Variants in PCGF3 observed in about 807,000 individuals in gnomAD.
PCGF3 encodes the protein polycomb group ring finger 3.
In PCGF3, 7 loss-of-function variants were observed where a neutral mutation model predicts 33.1. That is an observed-to-expected ratio of 0.21 (90% CI 0.12 to 0.40). PCGF3 has a LOEUF of 0.40. Ranked by LOEUF, PCGF3 falls within the 10% of genes least tolerant of loss-of-function variation. The pLI is 1.00. For synonymous variants in PCGF3, 153 were observed against 121.3 expected, an observed-to-expected ratio of 1.26 and a Z score of -1.72; for missense variants, 211 against 313.3, an observed-to-expected ratio of 0.67 and a Z score of 2.46.
At chr4:744,432 C>A (rs532337411) in intron 7 of PCGF3, among the ~76,000 whole-genome samples, 168 bp from the exon 8 acceptor site, 4 of 152,342 alleles carry the variant, frequency 2.6e-5, no homozygotes, top group African/African-American at 9.6e-5. Flanking sequence ...CTGGGGAGAC[C>A]CCTGCAGACA....
intron 10 of PCGF3, 137 bp downstream of exon 10, chr4:765,201 A>C (rs1745294200): frequency 1.6e-6 from 1 of 611,544 alleles, no homozygotes; most frequent in South Asian, 1.8e-5. Context: ...TGGGAGGACG[A>C]GGCGGGCGGA....
chr4:728,224 G>A (rs1489167388), intron 1 of PCGF3, among the ~76,000 whole-genome samples: 1 of 152,144 alleles, frequency 6.6e-6, no homozygotes, highest in Non-Finnish European at 1.5e-5. Flanking sequence ...AAATGTTTGG[G>A]AACCAAAACA....
chr4:758,480 C>T (rs970388702), intron 8 of PCGF3, among the ~76,000 whole-genome samples: 2 of 140,870 alleles, frequency 1.4e-5, no homozygotes, highest in African/African-American at 2.7e-5. Flanking sequence ...CCCGTGCGGC[C>T]CCTCTCCCGA....
chr4:727,515 C>G (rs192238183), intron 1 of PCGF3, among the ~76,000 whole-genome samples: 2 of 152,246 alleles, frequency 1.3e-5, no homozygotes, highest in Admixed American at 6.5e-5. Context: ...GCTGGGATTA[C>G]AAGCATGAGC....
chr4:707,138 C>A (rs1198609730), intron 1 of PCGF3, among the ~76,000 whole-genome samples: 1 of 152,082 alleles, frequency 6.6e-6, no homozygotes, highest in Non-Finnish European at 1.5e-5. Flanking sequence ...AGGGTCTGAC[C>A]CTGGGACAGG....
chr4:763,350 C>T (rs77886012), intron 9 of PCGF3, among the ~76,000 whole-genome samples: 3,041 of 152,138 alleles, frequency 0.02, 56 homozygotes, highest in Non-Finnish European at 0.029. Flanking sequence ...CATTTCCCAG[C>T]GCAGGGCTGG....
rs766800100 is a variant in PCGF3 at position 733,917 on chromosome 4, G to A, written c.109+128G>A. 6.4e-6 allele frequency: 10 copies of A among 1,569,286 alleles called. No homozygotes were observed. In the East Asian group the frequency reaches 2.4e-4, roughly 38 times the overall value. The stretch of plus-strand genomic sequence containing the variant: ...CGACAAAAGCAGGAACCAGGACCAG[G>A]GGCAGAGACGATCTTGAAGATAAGT... On this transcript the variant is annotated intron_variant, in intron 4 of 10. Transcript: ENST00000362003.
chr4:735,073 CT>C (rs753305720), intron 5 of PCGF3, 46 bp downstream of exon 5: 6 of 1,577,138 alleles, frequency 3.8e-6, no homozygotes, highest in African/African-American at 1.3e-5. Context: ...GTGAGTGCCC[CT>C]GGGCGTCTCT....
Position 722,760 on chromosome 4 carries a change from C to T in PCGF3, c.-189-7870C>T, listed in dbSNP as rs868278481. 3.5e-3 allele frequency among the ~76,000 whole-genome samples: 220 copies of T among 62,664 alleles called. 4 individuals are homozygous for T. Among genetic ancestry groups the T allele is most frequent in the South Asian group, 7.3e-3 (10 of 1,364 alleles). 41.1% of individuals were successfully genotyped at this position (62,664 alleles called of 152,430 possible). On this transcript the variant is annotated intron_variant, in intron 1 of 10. Transcript: ENST00000362003. Reference sequence around the variant, plus strand: ...CACGCCGGGTCCACACTCGCGACATCGCCATCCACGCCGGGTCCACACTCG... The same window carrying T: ...CACGCCGGGTCCACACTCGCGACATTGCCATCCACGCCGGGTCCACACTCG...
intron 1 of PCGF3, among the ~76,000 whole-genome samples, chr4:728,927 C>G (rs1743437097): frequency 6.6e-6 from 1 of 151,740 alleles, no homozygotes; most frequent in Non-Finnish European, 1.5e-5. Context: ...TGGTGAAACC[C>G]CATCTCTACT....
intron 1 of PCGF3, among the ~76,000 whole-genome samples, chr4:719,647 T>C (rs368038107): frequency 3.3e-5 from 5 of 152,344 alleles, no homozygotes; most frequent in African/African-American, 9.6e-5. Flanking sequence ...TGTGTGAGTT[T>C]GGCAGGTGCT....
At chr4:733,647 T>C in intron 3 of PCGF3, 25 bp from the exon 4 acceptor site, 1 of 1,585,836 alleles carries the variant, frequency 6.3e-7, no homozygotes, top group South Asian at 1.1e-5. Context: ...TTTCAGGTGT[T>C]AATTAATCGC....
intron 8 of PCGF3, among the ~76,000 whole-genome samples, chr4:758,060 C>A (rs935515947): frequency 6.9e-6 from 1 of 145,804 alleles, no homozygotes; most frequent in Non-Finnish European, 1.5e-5. Context: ...CCCAGCTACT[C>A]GGGAGGCTGA....
intron 8 of PCGF3, among the ~76,000 whole-genome samples, chr4:754,096 G>A (rs1471178434): frequency 3.9e-5 from 6 of 152,216 alleles, no homozygotes; most frequent in Middle Eastern, 3.4e-3. Context: ...ATCTTCGCTC[G>A]TGCAGAGTTA....
At chr4:750,023 C>G (rs1744443619) in intron 8 of PCGF3, among the ~76,000 whole-genome samples, 1 of 152,142 alleles carries the variant, frequency 6.6e-6, no homozygotes, top group Non-Finnish European at 1.5e-5. Flanking sequence ...CTAGGCCGGT[C>G]TGAACTCCTG....
intron 1 of PCGF3, among the ~76,000 whole-genome samples, chr4:726,604 C>T (rs185252133): frequency 1.4e-4 from 21 of 152,338 alleles, no homozygotes; most frequent in Middle Eastern, 3.4e-3. Flanking sequence ...TCCTCATCCA[C>T]GATCATGACG....
chr4:730,715 C>G (rs1271523595), intron 2 of PCGF3, 47 bp downstream of exon 2: 3 of 278,742 alleles, frequency 1.1e-5, no homozygotes, highest in African/African-American at 6.5e-5. Flanking sequence ...CACCTGTGAA[C>G]TGCCGGACTC....
intron 8 of PCGF3, among the ~76,000 whole-genome samples, chr4:754,110 A>T (rs990755477): frequency 6.6e-6 from 1 of 152,086 alleles, no homozygotes; most frequent in Non-Finnish European, 1.5e-5. Context: ...AGAGTTAGGA[A>T]ACCCTTACCG....
At chr4:765,137 A>T in intron 10 of PCGF3, 73 bp downstream of exon 10, 1 of 1,057,934 alleles carries the variant, frequency 9.5e-7, no homozygotes. Flanking sequence ...CTTATCTAAA[A>T]TGTTAAATGA....
Sources: allele counts gnomAD v4.1 joint callset (sites outside exome capture counted in the v4.1 genomes callset), GRCh38; gene constraint gnomAD v4.1.1; transcripts MANE v1.5; gene names NCBI Gene and HGNC (gene_info 2026-07-23, HGNC 2026-07-21).